Variants in LMF1 observed in about 807,000 individuals in gnomAD.
LMF1 encodes the protein transmembrane protein 112.
LMF1 carries 68 observed loss-of-function variants against 60.6 expected under a neutral mutation model. The observed-to-expected ratio is 1.12, with a 90% confidence interval of 0.92 to 1.37. The LOEUF (loss-of-function observed/expected upper bound fraction) is 1.37, where lower values mean the gene tolerates loss of function less well. Ranked by LOEUF, LMF1 falls within the 40% of genes most tolerant of loss-of-function variation. LMF1 has a pLI of 0.00. For synonymous variants in LMF1, 418 were observed against 324.7 expected, an observed-to-expected ratio of 1.29 and a Z score of -3.09; for missense variants, 948 against 767.2, an observed-to-expected ratio of 1.24 and a Z score of -2.78.
At chr16:947,376 C>T in intron 2 of LMF1, 1 of 420,022 alleles carries the variant, frequency 2.4e-6, no homozygotes, top group Non-Finnish European at 4.8e-6. Flanking sequence ...AAAGGTGTTG[C>T]AGGTACTTGT....
upstream of LMF1, among the ~76,000 whole-genome samples, chr16:971,703 C>T (rs541627015): frequency 2.6e-4 from 40 of 152,200 alleles, no homozygotes; most frequent in Middle Eastern, 6.8e-3. Flanking sequence ...ATGACTGGAG[C>T]GGGGTTCTGG....
intron 6 of LMF1, chr16:873,139 T>C (rs760193146): frequency 1.3e-5 from 2 of 152,272 alleles, no homozygotes; most frequent in Non-Finnish European, 2.9e-5. Flanking sequence ...CTCTGGTGCA[T>C]CTCTCGCCCT....
At chr16:930,398 C>T (rs2071745532) in intron 3 of LMF1, among the ~76,000 whole-genome samples, 1 of 152,178 alleles carries the variant, frequency 6.6e-6, no homozygotes, top group African/African-American at 2.4e-5. Flanking sequence ...ACCCCATCTC[C>T]ACAAAAAGTT....
At position 870,074 on chromosome 16, in the gene LMF1, G is replaced by T. The variant is rs1449871299; in HGVS notation, c.1233-8C>A. 1 of 1,604,250 alleles carries T rather than the reference G, an allele frequency of 6.2e-7. No individual in the cohort carries two copies. Among genetic ancestry groups the T allele is most frequent in the Non-Finnish European group, 8.5e-7 (1 of 1,179,022 alleles). On this transcript the variant is annotated splice_region_variant and splice_polypyrimidine_tract_variant and intron_variant, in intron 8 of 10. Transcript: ENST00000262301. ...GCCCGCTCCTTGGTGATGCTGCCGG[G>T]AGACCGAGGCAGGCCAGGCCCACGT...
intron 8 of LMF1, 59 bp from the exon 9 acceptor site, chr16:870,125 T>A: frequency 5.9e-5 from 91 of 1,545,656 alleles, no homozygotes; most frequent in Non-Finnish European, 7.8e-5. Flanking sequence ...CCGAGTGGGG[T>A]GCATGGGTGG....
At chr16:904,396 G>A (rs369465846) in intron 4 of LMF1, among the ~76,000 whole-genome samples, 45 of 99,942 alleles carry the variant, frequency 4.5e-4, no homozygotes, top group African/African-American at 1.3e-3. Flanking sequence ...CCTCTGCATC[G>A]CCCACAGGAC....
intron 3 of LMF1, among the ~76,000 whole-genome samples, chr16:923,095 T>C (rs2071488826): frequency 7.0e-6 from 1 of 141,936 alleles, no homozygotes; most frequent in African/African-American, 2.6e-5. Flanking sequence ...GCGAAGGCCC[T>C]GTGTGAAAGT....
chr16:951,363 G>A (rs1433041105), intron 2 of LMF1, among the ~76,000 whole-genome samples: 7 of 152,344 alleles, frequency 4.6e-5, no homozygotes, highest in East Asian at 1.9e-4. Context: ...CAGAGCCAAC[G>A]ATGGAGTCAG....
chr16:910,989 G>A lies in LMF1; in HGVS notation c.605C>T (p.Thr202Ile). Residue 202 changes from threonine (T) to isoleucine (I), a missense_variant, in exon 4 of 11, where the codon ACA becomes ATA. By Grantham distance (89) the Thr-to-Ile change is moderately conservative (BLOSUM62 -1). Transcript: ENST00000262301. ...TLSRLPQHTP[T>I]SRIVLWGFRW... ...GAAGCCCCACAGGACAATCCGGGAT[G>A]TGGGGGTATGCTGGGGCAGCCTTGA... 6.8e-6 allele frequency: 11 copies of A among 1,613,138 alleles called. No individual in the cohort carries two copies. The highest frequency in any genetic ancestry group is 9.3e-6 in the Non-Finnish European group (11 of 1,179,890).
At chr16:870,108 G>A (rs201989158) in intron 8 of LMF1, 42 bp from the exon 9 acceptor site, 203 of 1,583,242 alleles carry the variant, frequency 1.3e-4, no homozygotes, top group Middle Eastern at 1.7e-4. Context: ...GTCACACACC[G>A]GCTGGGCCGA....
intron 2 of LMF1, chr16:947,328 A>G: frequency 5.3e-6 from 2 of 375,852 alleles, no homozygotes; most frequent in South Asian, 3.9e-5. Context: ...GGAGGGCCCC[A>G]CCCACCCAGT....
intron 3 of LMF1, among the ~76,000 whole-genome samples, chr16:914,668 A>ATTCC (rs2071226919): frequency 4.8e-5 from 5 of 103,992 alleles, no homozygotes; most frequent in African/African-American, 1.2e-4. Flanking sequence ...TTGGTGACAC[A>ATTCC]CTCCCTCCCT....
intron 10 of LMF1, 150 bp from the exon 11 acceptor site, chr16:854,856 C>T (rs969921977): frequency 5.5e-6 from 4 of 731,202 alleles, no homozygotes; most frequent in Admixed American, 2.1e-5. Context: ...CACAGGTAGA[C>T]CCCCAGCAGA....
chr16:870,857 G>C lies in LMF1; in HGVS notation c.1104C>G (p.Asn368Lys), dbSNP rs750588216. 3.7e-6 allele frequency: 6 copies of C among 1,610,318 alleles called. No homozygotes were observed. The South Asian group carries it at 6.6e-5, about 18-fold the overall frequency. Residue 368 changes from asparagine (N) to lysine (K), a missense_variant, in exon 8 of 11, where the codon AAC becomes AAG. Transcript: ENST00000262301. The stretch of plus-strand genomic sequence containing the variant: ...AGGCCAGCAGGACGCCCAGCGAGAC[G>C]TTGGCTGCACGCCGCACCACGGAGC... Reference protein sequence around the residue: ...RFGSVVRRAANVSLGVLLAWL... With the variant: ...RFGSVVRRAAKVSLGVLLAWL...
At chr16:865,083 T>C (rs2069575097) in intron 10 of LMF1, among the ~76,000 whole-genome samples, 1 of 152,236 alleles carries the variant, frequency 6.6e-6, no homozygotes, top group South Asian at 2.1e-4. Context: ...GATTTGTCAA[T>C]AGTGTGTTCC....
At chr16:922,311 AG>A (rs1359074598) in intron 3 of LMF1, among the ~76,000 whole-genome samples, 1 of 152,170 alleles carries the variant, frequency 6.6e-6, no homozygotes, top group Non-Finnish European at 1.5e-5. Context: ...GGGGCCACAG[AG>A]GGGGTTCTGA....
At chr16:943,948 C>T (rs114488472) in intron 2 of LMF1, among the ~76,000 whole-genome samples, 143 of 152,220 alleles carry the variant, frequency 9.4e-4, no homozygotes, top group African/African-American at 3.2e-3. Flanking sequence ...ATCATAACAT[C>T]ATTGAGAAGT....
At chr16:876,688 A>G (rs9930009) in intron 6 of LMF1, among the ~76,000 whole-genome samples, 23,044 of 150,688 alleles carry the variant, frequency 0.15, 1,879 homozygotes, top group East Asian at 0.32. Flanking sequence ...GGACAGAGGC[A>G]GGCTGGGTGG....
rs746308272 is a variant in LMF1, at chr16:870,892, G to A, written c.1079-10C>T. 1.0e-4 allele frequency: 165 copies of A among 1,599,596 alleles called. No individual in the cohort carries two copies. The highest frequency in any genetic ancestry group is 1.4e-4 in the Non-Finnish European group (161 of 1,176,476). The stretch of plus-strand genomic sequence containing the variant: ...CGCCGCACCACGGAGCCTGGCAGGG[G>A]AGTGACATCTTCCAGGTGGGGCTCC... On this transcript the variant is annotated splice_polypyrimidine_tract_variant and intron_variant, in intron 7 of 10. Transcript: ENST00000262301.
Sources: allele counts gnomAD v4.1 joint callset (sites outside exome capture counted in the v4.1 genomes callset), GRCh38; gene constraint gnomAD v4.1.1; transcripts MANE v1.5; gene names NCBI Gene and HGNC (gene_info 2026-07-23, HGNC 2026-07-21).